Variants in DGAT2 observed in about 807,000 individuals in gnomAD.
The protein encoded by DGAT2 is acyl-CoA retinol O-fatty-acyltransferase.
In DGAT2, 33 loss-of-function variants were observed where a neutral mutation model predicts 48.4. The ratio of observed to expected loss-of-function variants is 0.68; its 90% CI spans 0.52 to 0.91. The LOEUF (loss-of-function observed/expected upper bound fraction) is 0.91. DGAT2 is among the 40% of genes least tolerant of loss of function. The pLI is 0.00. For synonymous variants in DGAT2, 191 were observed against 194.1 expected (o/e 0.98, Z 0.13); for missense variants, 446 against 493.7 (o/e 0.90, Z 0.92).
Position 75,768,914 on chromosome 11 carries a change from C to A in DGAT2, c.-78C>A, listed in dbSNP as rs1300776628. On this transcript the variant is annotated 5_prime_UTR_variant, in exon 1 of 8. Coordinates refer to ENST00000228027, the MANE Select transcript of DGAT2 (RefSeq NM_032564.5). ...CCCTGTGCTCTGCGCGAAGCCCTGG[C>A]CCCGGGGGCCGGGGCATGGGCCAGG... is the stretch of plus-strand genomic sequence containing the variant. 6 of 1,360,178 alleles carry A rather than the reference C, an allele frequency of 4.4e-6. No individual in the cohort carries two copies. The East Asian group carries it at 1.9e-4, about 42-fold the overall frequency. The allele number at this position is 1,360,178 out of a possible 1,614,324, so 84.3% of individuals were successfully genotyped here.
chr11:75,782,492 C>T (rs1344845324), intron 1 of DGAT2, among the ~76,000 whole-genome samples: 1 of 152,210 alleles, frequency 6.6e-6, no homozygotes, highest in African/African-American at 2.4e-5. Flanking sequence ...GTGGCCATGG[C>T]TCCTGCTTCA....
chr11:75,800,256 TGGC>T, intron 7 of DGAT2, 95 bp from the exon 8 acceptor site: 1 of 1,404,976 alleles, frequency 7.1e-7, no homozygotes. Flanking sequence ...TCCTTCCACA[TGGC>T]GGGCCCACAG....
In DGAT2 at chr11:75,790,272, TTGAC is replaced by T. The variant is rs746683555; in HGVS notation, c.338_341del (p.Asp113GlyfsTer32). 6.2e-7 allele frequency: 1 copy of T among 1,614,008 alleles called. No homozygotes were observed. The highest frequency in any genetic ancestry group is 1.3e-5 in the African/African-American group (1 of 74,924). On this transcript the variant is annotated frameshift_variant, in exon 3 of 8. Transcript: ENST00000228027. LOFTEE classifies it high-confidence loss of function. ...GTGCTCTACTTCACTTGGCTGGTGTTTGACTGGAACACACCCAAGAAAGGTAAGT... is the reference window on the plus strand; with the variant it reads ...GTGCTCTACTTCACTTGGCTGGTGTTTGGAACACACCCAAGAAAGGTAAGT...
intron 1 of DGAT2, among the ~76,000 whole-genome samples, chr11:75,770,400 G>A (rs1038675864): frequency 1.3e-5 from 2 of 152,170 alleles, no homozygotes; most frequent in South Asian, 2.1e-4. Flanking sequence ...GCCCTGTCTC[G>A]GGGGCGAGCA....
chr11:75,775,502 G>T (rs1407299786), intron 1 of DGAT2, among the ~76,000 whole-genome samples: 1 of 152,208 alleles, frequency 6.6e-6, no homozygotes, highest in African/African-American at 2.4e-5. Context: ...GAACTCACTG[G>T]CGTTTTGGGA....
intron 1 of DGAT2, among the ~76,000 whole-genome samples, chr11:75,773,378 A>G (rs997909302): frequency 2.0e-5 from 3 of 152,216 alleles, no homozygotes; most frequent in Non-Finnish European, 4.4e-5. Flanking sequence ...CCCAGGGCTT[A>G]TTAGAAGCCC....
chr11:75,769,953 C>T (rs1393735851), intron 1 of DGAT2, among the ~76,000 whole-genome samples: 2 of 152,102 alleles, frequency 1.3e-5, no homozygotes, highest in Non-Finnish European at 2.9e-5. Flanking sequence ...ATGGATTTTT[C>T]TTTAGTAACT....
chr11:75,798,990 G>A (rs547661374), intron 7 of DGAT2, among the ~76,000 whole-genome samples: 5 of 152,284 alleles, frequency 3.3e-5, no homozygotes, highest in African/African-American at 7.2e-5. Flanking sequence ...GCCCTCGTCT[G>A]TGTTGTTTTG....
At chr11:75,775,826 G>A (rs1288889189) in intron 1 of DGAT2, 1 of 152,266 alleles carries the variant, frequency 6.6e-6, no homozygotes, top group Non-Finnish European at 1.5e-5. Context: ...CTCCTGTGGG[G>A]GTTGGGGCCT....
intron 4 of DGAT2, 58 bp from the exon 5 acceptor site, chr11:75,796,270 G>A: frequency 6.7e-7 from 1 of 1,490,616 alleles, no homozygotes; most frequent in Non-Finnish European, 9.3e-7. Context: ...TACCCTCCGG[G>A]TATGCCCCGG....
chr11:75,772,671 A>G (rs905819579), intron 1 of DGAT2, among the ~76,000 whole-genome samples: 21 of 152,100 alleles, frequency 1.4e-4, no homozygotes, highest in East Asian at 1.4e-3. Context: ...TGTTTAAGCA[A>G]TTGTCTCCCC....
intron 1 of DGAT2, among the ~76,000 whole-genome samples, chr11:75,781,364 T>TAGAATATTTCTG (rs1352570451): frequency 9.5e-4 from 144 of 152,358 alleles, no homozygotes; most frequent in African/African-American, 3.4e-3. Context: ...GGCCTCTGCC[T>TAGAATATTTCTG]AGAATATTTC....
intron 1 of DGAT2, among the ~76,000 whole-genome samples, chr11:75,781,206 C>G (rs1309407173): frequency 6.6e-6 from 1 of 152,338 alleles, no homozygotes; most frequent in East Asian, 1.9e-4. Flanking sequence ...CTGCATAGAC[C>G]TTAGTGTTTA....
intron 1 of DGAT2, among the ~76,000 whole-genome samples, chr11:75,772,578 A>G (rs1944438): frequency 0.4 from 60,713 of 152,030 alleles, 14,622 homozygotes; most frequent in Middle Eastern, 0.56. Flanking sequence ...GCCACTTCCA[A>G]TCTAGAGAGC....
intron 1 of DGAT2, among the ~76,000 whole-genome samples, chr11:75,782,102 G>T (rs1451863140): frequency 6.6e-6 from 1 of 152,122 alleles, no homozygotes; most frequent in Non-Finnish European, 1.5e-5. Flanking sequence ...GGCTTCAGGG[G>T]CCTGTCTGCA....
intron 4 of DGAT2, 69 bp downstream of exon 4, chr11:75,790,800 C>A: frequency 6.5e-7 from 1 of 1,544,098 alleles, no homozygotes; most frequent in Non-Finnish European, 9.0e-7. Flanking sequence ...GGCCTTAACC[C>A]ACCCACAGGG....
intron 1 of DGAT2, among the ~76,000 whole-genome samples, chr11:75,778,323 G>T (rs928355962): frequency 2.0e-5 from 3 of 152,212 alleles, no homozygotes; most frequent in African/African-American, 7.2e-5. Flanking sequence ...TTGTCTTCAG[G>T]GCCCTGGCGA....
At chr11:75,772,005 G>T (rs948905521) in intron 1 of DGAT2, among the ~76,000 whole-genome samples, 8 of 152,110 alleles carry the variant, frequency 5.3e-5, no homozygotes, top group African/African-American at 1.9e-4. Flanking sequence ...CTTTCCCAGG[G>T]TTATCAAAGC....
chr11:75,769,730 C>T (rs1944737787), intron 1 of DGAT2, among the ~76,000 whole-genome samples: 1 of 152,174 alleles, frequency 6.6e-6, no homozygotes, highest in Admixed American at 6.5e-5. Context: ...GCAACTCTTC[C>T]AACCCCCACC....
Sources: allele counts gnomAD v4.1 joint callset (sites outside exome capture counted in the v4.1 genomes callset), GRCh38; gene constraint gnomAD v4.1.1; transcripts MANE v1.5; gene names NCBI Gene and HGNC (gene_info 2026-07-23, HGNC 2026-07-21).